GSDMC: variants seen among roughly 807,000 people sequenced by gnomAD.
The protein encoded by GSDMC is gasdermin C.
Under a neutral mutation model 58.0 loss-of-function variants are expected in GSDMC, and 59 were observed. The ratio of observed to expected loss-of-function variants is 1.02; its 90% CI spans 0.82 to 1.26. The LOEUF (loss-of-function observed/expected upper bound fraction) is 1.26, where lower values mean the gene tolerates loss of function less well. GSDMC is among the 50% of genes most tolerant of loss of function. The pLI is 0.00. For synonymous variants in GSDMC, 241 were observed against 220.2 expected (o/e 1.09, Z -0.83); for missense variants, 659 against 598.5 (o/e 1.10, Z -1.06).
chr8:129,706,743 C>T, the GSDMC span: 1 of 152,192 alleles, frequency 6.6e-6, no homozygotes, highest in East Asian at 1.9e-4. Context: ...TCAGTTAAAA[C>T]TCATGAGGAC....
chr8:129,724,702 G>A, the GSDMC span, among the ~76,000 whole-genome samples: 2,103 of 151,944 alleles, frequency 0.014, 52 homozygotes, highest in African/African-American at 0.048. Flanking sequence ...ACTTTTTAGC[G>A]AAAAAGCGTT....
At chr8:129,743,320 A>T (rs923903352), downstream of GSDMC, among the ~76,000 whole-genome samples, 1 of 152,072 alleles carries the variant, frequency 6.6e-6, no homozygotes, top group African/African-American at 2.4e-5. Context: ...CTATATCTTA[A>T]ATTTCATTTA....
rs1303826978 is a variant in GSDMC at position 129,751,245 on chromosome 8, G to A, written c.943+297C>T. Among the ~76,000 whole-genome samples, 2 of 152,202 alleles carry A rather than the reference G, an allele frequency of 1.3e-5. 1 individual carries two copies. The highest frequency in any genetic ancestry group is 1.3e-4 in the Admixed American group (2 of 15,284). ...AAGGGGTGGATGCTGGGGGCCCTCTGTCTCTCCCAGGAGACATCTGGCTCC... is the reference window on the plus strand; with the variant it reads ...AAGGGGTGGATGCTGGGGGCCCTCTATCTCTCCCAGGAGACATCTGGCTCC... On this transcript the variant is annotated intron_variant, in intron 10 of 13. Transcript: ENST00000276708.
At chr8:129,708,770 C>G in the GSDMC span, among the ~76,000 whole-genome samples, 1 of 152,248 alleles carries the variant, frequency 6.6e-6, no homozygotes, top group African/African-American at 2.4e-5. Context: ...GCAAACAAAA[C>G]AGCTGAAATG....
chr8:129,752,914 A>T, intron 6 of GSDMC, 94 bp from the exon 7 acceptor site: 1 of 1,580,346 alleles, frequency 6.3e-7, no homozygotes, highest in Non-Finnish European at 8.6e-7. Flanking sequence ...GCTGGGCTCA[A>T]TCAGTGCCAG....
intron 6 of GSDMC, 104 bp from the exon 7 acceptor site, chr8:129,752,924 G>A (rs1234157124): frequency 6.5e-7 from 1 of 1,544,700 alleles, no homozygotes. Context: ...ATCAGTGCCA[G>A]TGCACGAAGG....
the GSDMC span, among the ~76,000 whole-genome samples, chr8:129,709,658 A>G: frequency 1.3e-5 from 2 of 152,128 alleles, no homozygotes; most frequent in East Asian, 3.9e-4. Flanking sequence ...ATAGCTATGT[A>G]TCTCCACACT....
downstream of GSDMC, among the ~76,000 whole-genome samples, chr8:129,746,135 G>A (rs908455058): frequency 7.9e-5 from 12 of 152,152 alleles, no homozygotes; most frequent in Non-Finnish European, 1.5e-4. Context: ...AGGAAAAGAA[G>A]AGAGTGGAGG....
At chr8:129,728,701 C>T in the GSDMC span, 51 of 396,582 alleles carry the variant, frequency 1.3e-4, no homozygotes, top group East Asian at 1.5e-3. Context: ...TGCACCAGCT[C>T]TTACCTATAA....
At chr8:129,728,934 G>A in the GSDMC span, 283 of 666,182 alleles carry the variant, frequency 4.2e-4, 3 homozygotes, top group South Asian at 3.9e-3. Flanking sequence ...CAGGAGGCCC[G>A]AGGTGGTGGC....
At chr8:129,719,743 GAGACAAGCC>G in the GSDMC span, among the ~76,000 whole-genome samples, 1 of 152,156 alleles carries the variant, frequency 6.6e-6, no homozygotes, top group Non-Finnish European at 1.5e-5. Flanking sequence ...CCGGGAATTT[GAGACAAGCC>G]TGGCCAACAT....
At chr8:129,726,642 A>G in the GSDMC span, among the ~76,000 whole-genome samples, 1 of 152,140 alleles carries the variant, frequency 6.6e-6, no homozygotes, top group African/African-American at 2.4e-5. Context: ...TGAAACTAGA[A>G]TTCAATACAC....
At position 129,777,523 on chromosome 8, in the gene GSDMC, G is replaced by A; in HGVS notation, c.65C>T (p.Thr22Ile). The stretch of plus-strand genomic sequence containing the variant: ...GGCACTCAATAGGTATTTGACAGGT[G>A]TCAGGTCTTTGCTTCCAATCTCTTT... ...LVKEIGSKDLTPVKYLLSATK... is the reference protein window; with the variant it reads ...LVKEIGSKDLIPVKYLLSATK... Residue 22 changes from threonine to isoleucine, a missense_variant, in exon 2 of 14, where the codon ACA becomes ATA. Physicochemically the swap from Thr to Ile is moderately conservative, Grantham distance 89 (BLOSUM62 -1). Coordinates refer to ENST00000276708, the MANE Select transcript of GSDMC (RefSeq NM_031415.3). 6.2e-7 allele frequency: 1 copy of A among 1,613,254 alleles called. No homozygotes were observed. The highest frequency in any genetic ancestry group is 1.1e-5 in the South Asian group (1 of 91,068).
chr8:129,760,028 G>A (rs570297794), intron 6 of GSDMC, among the ~76,000 whole-genome samples: 27 of 152,106 alleles, frequency 1.8e-4, no homozygotes, highest in African/African-American at 3.6e-4. Flanking sequence ...CTATTCACCC[G>A]TTAAAAAAAT....
At chr8:129,727,734 G>T in the GSDMC span, among the ~76,000 whole-genome samples, 1 of 152,214 alleles carries the variant, frequency 6.6e-6, no homozygotes, top group Non-Finnish European at 1.5e-5. Flanking sequence ...AGGCATTTTA[G>T]TCTTGGGTAA....
the GSDMC span, among the ~76,000 whole-genome samples, chr8:129,708,176 G>A: frequency 0.025 from 3,779 of 152,290 alleles, 65 homozygotes; most frequent in Middle Eastern, 0.15. Flanking sequence ...TGGCAGCAGG[G>A]CATTAAGCCA....
At chr8:129,730,177 G>T in the GSDMC span, 1 of 1,142,356 alleles carries the variant, frequency 8.8e-7, no homozygotes. Context: ...AAAAAGTTAT[G>T]TGTAAAACTG....
chr8:129,724,206 A>G, the GSDMC span, among the ~76,000 whole-genome samples: 4 of 152,210 alleles, frequency 2.6e-5, no homozygotes, highest in Non-Finnish European at 4.4e-5. Context: ...TCCAGCCTCA[A>G]TTAAGCTTTC....
chr8:129,761,586 A>G (rs950192343), intron 5 of GSDMC, among the ~76,000 whole-genome samples: 13 of 152,166 alleles, frequency 8.5e-5, no homozygotes, highest in Admixed American at 5.2e-4. Context: ...GTTGTTGATG[A>G]TGATGATATT....
Sources: gnomAD v4.1 joint callset for allele counts (sites outside exome capture counted in the v4.1 genomes callset) on GRCh38, gnomAD v4.1.1 for gene constraint, MANE v1.5 for transcripts, NCBI Gene and HGNC (gene_info 2026-07-23, HGNC 2026-07-21) for gene names.